The following DHX57 variants were observed in gnomAD, a reference collection of about 807,000 sequenced individuals.
DHX57 encodes DExH-box helicase 57, also known as putative ATP-dependent RNA helicase DHX57.
In DHX57, 105 loss-of-function variants were observed where a neutral mutation model predicts 156.2. The ratio of observed to expected loss-of-function variants is 0.67; its 90% CI spans 0.57 to 0.79. The LOEUF (loss-of-function observed/expected upper bound fraction) is 0.79. DHX57 is among the 30% of genes least tolerant of loss of function. DHX57 has a pLI of 0.00. For synonymous variants in DHX57, 704 were observed against 595.6 expected, an observed-to-expected ratio of 1.18 and a Z score of -2.65; for missense variants, 1,847 against 1,661.9, an observed-to-expected ratio of 1.11 and a Z score of -1.94.
At chr2:38,856,491 G>C in intron 6 of DHX57, 30 bp from the exon 7 acceptor site, 1 of 1,564,160 alleles carries the variant, frequency 6.4e-7, no homozygotes, top group Non-Finnish European at 8.6e-7. Flanking sequence ...GATATCAGTT[G>C]GGTTACTTTT....
intron 1 of DHX57, among the ~76,000 whole-genome samples, chr2:38,869,179 A>G (rs1572716559): frequency 6.6e-6 from 1 of 152,368 alleles, no homozygotes; most frequent in East Asian, 1.9e-4. Context: ...AAATTTATAT[A>G]TGCTCTATCA....
chr2:38,864,340 G>C (rs960263901), intron 2 of DHX57, among the ~76,000 whole-genome samples: 1 of 150,810 alleles, frequency 6.6e-6, no homozygotes, highest in Admixed American at 6.6e-5. Flanking sequence ...AGCCCCAGGA[G>C]TTCGAGACCA....
rs138987065 is a variant in DHX57 at position 38,798,210 on chromosome 2, T to C, written c.*89A>G. On this transcript the variant is annotated 3_prime_UTR_variant, in exon 24 of 24. Coordinates refer to ENST00000457308, the MANE Select transcript of DHX57 (RefSeq NM_198963.3). ...GCTCCTCCACCAGGGCCAGCCCCAA[T>C]AGGTCTTTAGTTCGAGGTAGAGGTT... The C allele has an allele frequency of 1.8e-3, 2,795 of 1,520,234 alleles. 11 individuals carry two copies. The highest frequency in any genetic ancestry group is 2.2e-3 in the Non-Finnish European group (2,473 of 1,134,130). The allele number at this position is 1,520,234 out of a possible 1,614,324, so 94.2% of individuals were successfully genotyped here.
chr2:38,807,153 C>T (rs1669986050), intron 21 of DHX57, among the ~76,000 whole-genome samples: 1 of 151,844 alleles, frequency 6.6e-6, no homozygotes, highest in South Asian at 2.1e-4. Flanking sequence ...CTCCCAGGTT[C>T]ATGCAATTCT....
chr2:38,829,611 G>A (rs1438094680), intron 13 of DHX57, among the ~76,000 whole-genome samples: 1 of 151,918 alleles, frequency 6.6e-6, no homozygotes, highest in Non-Finnish European at 1.5e-5. Flanking sequence ...TAGAGATGAG[G>A]TCTCACTATA....
chr2:38,825,909 G>T lies in DHX57; in HGVS notation c.2952C>A (p.His984Gln), dbSNP rs764899962. 4.3e-6 allele frequency: 7 copies of T among 1,614,072 alleles called. No homozygotes were observed. The highest frequency in any genetic ancestry group is 5.1e-6 in the Non-Finnish European group (6 of 1,180,030). ...FHLFTSHHYN[H>Q]QLLKQQLPEI... Reference sequence around the variant, plus strand: ...CTGGTAGCTGTTGTTTTAAAAGCTGGTGATTGTAGTGATGGCTAGTGAATA... The same window carrying T: ...CTGGTAGCTGTTGTTTTAAAAGCTGTTGATTGTAGTGATGGCTAGTGAATA... The change falls in exon 16 of 24, where the codon CAC becomes CAA. Residue 984 changes from histidine to glutamine, a missense_variant. Physicochemically the swap from His to Gln is conservative, Grantham distance 24 (BLOSUM62 0). Transcript: ENST00000457308.
chr2:38,810,894 G>T, intron 21 of DHX57: 1 of 778,666 alleles, frequency 1.3e-6, no homozygotes, highest in Non-Finnish European at 2.3e-6. Flanking sequence ...GGCCCACGCT[G>T]TGCTTGCCTG....
intron 21 of DHX57, among the ~76,000 whole-genome samples, chr2:38,809,236 C>A (rs1670109588): frequency 6.6e-6 from 1 of 152,122 alleles, no homozygotes; most frequent in South Asian, 2.1e-4. Context: ...CCTCCCATCT[C>A]AGCCTCCCGA....
chr2:38,818,956 C>T lies in DHX57; in HGVS notation c.3392G>A (p.Trp1131Ter). 1 of 1,614,174 alleles carries T rather than the reference C, an allele frequency of 6.2e-7. No individual in the cohort carries two copies. Among genetic ancestry groups the T allele is most frequent in the South Asian group, 1.1e-5 (1 of 91,076 alleles). ...YLALLQAYKG[W>*]QLSTKEGVRA... ...CACGCCTTCTTTTGTACTTAGCTGCCATCCCTAAATTTTGGAGAAAATCAA... is the reference window on the plus strand; with the variant it reads ...CACGCCTTCTTTTGTACTTAGCTGCTATCCCTAAATTTTGGAGAAAATCAA... The change falls in exon 19 of 24, where the codon TGG becomes TAG. Residue 1131 changes from tryptophan to a stop codon, truncating the protein, a stop_gained. Transcript: ENST00000457308. LOFTEE classifies it high-confidence loss of function.
chr2:38,819,224 G>T (rs1572637343), intron 17 of DHX57, 80 bp from the exon 18 acceptor site: 1 of 1,346,378 alleles, frequency 7.4e-7, no homozygotes, highest in Non-Finnish European at 1.1e-6. Flanking sequence ...GCCCAGGCTG[G>T]AGTGCAGTGG....
Position 38,811,591 on chromosome 2 carries a change from C to T in DHX57, c.3681+2230G>A, listed in dbSNP as rs553405056. On this transcript the variant is annotated intron_variant, in intron 21 of 23. Coordinates refer to ENST00000457308, the MANE Select transcript of DHX57 (RefSeq NM_198963.3). ...TCATAGCCTTGTTCCTTCAGCCACACGAGGATGCAGGAGGTGTCCAGGCCG... is the reference window on the plus strand; with the variant it reads ...TCATAGCCTTGTTCCTTCAGCCACATGAGGATGCAGGAGGTGTCCAGGCCG... 5 of 1,368,966 alleles carry T rather than the reference C, an allele frequency of 3.7e-6. No homozygotes were observed. In the African/African-American group the frequency reaches 4.3e-5, roughly 12 times the overall value. The allele number at this position is 1,368,966 out of a possible 1,614,324, so 84.8% of individuals were successfully genotyped here.
At chr2:38,851,906 A>G (rs1280428990) in intron 9 of DHX57, among the ~76,000 whole-genome samples, 2 of 152,192 alleles carry the variant, frequency 1.3e-5, no homozygotes, top group Non-Finnish European at 2.9e-5. Flanking sequence ...CATTTCCAAC[A>G]GTGGCAAAAT....
At chr2:38,873,467 T>G (rs1469043513) in intron 1 of DHX57, among the ~76,000 whole-genome samples, 1 of 152,342 alleles carries the variant, frequency 6.6e-6, no homozygotes, top group South Asian at 2.1e-4. Context: ...ACATATGTAT[T>G]CAGAGTTTAT....
At chr2:38,825,668 A>G (rs533145461) in intron 16 of DHX57, among the ~76,000 whole-genome samples, 179 bp downstream of exon 16, 76 of 152,308 alleles carry the variant, frequency 5.0e-4, no homozygotes, top group Middle Eastern at 3.4e-3. Context: ...CTTTATGTGC[A>G]GAAATTTAAA....
At chr2:38,846,089 C>G (rs755289549) in intron 11 of DHX57, among the ~76,000 whole-genome samples, 16 of 152,138 alleles carry the variant, frequency 1.1e-4, no homozygotes, top group Admixed American at 2.0e-4. Context: ...TGGTCTTGAA[C>G]TCCCGCCCTC....
intron 11 of DHX57, among the ~76,000 whole-genome samples, chr2:38,843,477 T>G (rs1672118183): frequency 6.6e-6 from 1 of 152,174 alleles, no homozygotes; most frequent in Admixed American, 6.5e-5. Context: ...GAAAACACAT[T>G]TGAGTTATAG....
At chr2:38,809,597 G>C (rs368217082) in intron 21 of DHX57, among the ~76,000 whole-genome samples, 7 of 151,660 alleles carry the variant, frequency 4.6e-5, no homozygotes, top group African/African-American at 1.2e-4. Flanking sequence ...AAGTAGTTGG[G>C]ACAACAGGCA....
chr2:38,863,606 A>C, intron 2 of DHX57, 87 bp from the exon 3 acceptor site: 21 of 1,188,980 alleles, frequency 1.8e-5, no homozygotes, highest in Non-Finnish European at 2.4e-5. Flanking sequence ...TATACACAAT[A>C]CAAACTGGAT....
chr2:38,872,533 G>T (rs1282530057), intron 1 of DHX57, among the ~76,000 whole-genome samples: 1 of 152,080 alleles, frequency 6.6e-6, no homozygotes, highest in African/African-American at 2.4e-5. Context: ...GTAAAAGGAT[G>T]GAAAAAGATG....
Sources: gnomAD v4.1 joint callset for allele counts (sites outside exome capture counted in the v4.1 genomes callset) on GRCh38, gnomAD v4.1.1 for gene constraint, MANE v1.5 for transcripts, NCBI Gene and HGNC (gene_info 2026-07-23, HGNC 2026-07-21) for gene names.